Variants in LRRC74A observed in about 807,000 individuals in gnomAD.
LRRC74A encodes leucine-rich repeat-containing protein 74A.
A neutral mutation model predicts 57.9 loss-of-function variants in LRRC74A; 44 were observed. That is an observed-to-expected ratio of 0.76 (90% confidence interval 0.60 to 0.98). The LOEUF (loss-of-function observed/expected upper bound fraction) is 0.98. Among genes scored for constraint, LRRC74A ranks in the 50% least tolerant of loss-of-function variants. LRRC74A has a pLI of 0.00. For missense variants in LRRC74A, 572 were observed against 574.0 expected, an observed-to-expected ratio of 1.00 and a Z score of 0.04; for synonymous variants, 211 against 219.4, an observed-to-expected ratio of 0.96 and a Z score of 0.34.
intron 8 of LRRC74A, among the ~76,000 whole-genome samples, chr14:76,852,661 C>T (rs1037029847): frequency 4.0e-5 from 6 of 150,546 alleles, no homozygotes; most frequent in South Asian, 4.2e-4. Context: ...CTCTGTGGCC[C>T]GGGCTAGAGT....
Position 76,870,203 on chromosome 14 carries a change from A to T in LRRC74A, c.*54A>T. 5.1e-6 allele frequency: 8 copies of T among 1,577,902 alleles called. No individual in the cohort carries two copies. The highest frequency in any genetic ancestry group is 6.9e-6 in the Non-Finnish European group (8 of 1,157,792). ...GGCGAGAGGAGTCCTCGCAAGTCGGATGGTGGCAGGGAGGAGAGCAAGAGG... is the reference window on the plus strand; with the variant it reads ...GGCGAGAGGAGTCCTCGCAAGTCGGTTGGTGGCAGGGAGGAGAGCAAGAGG... On this transcript the variant is annotated 3_prime_UTR_variant, in exon 14 of 14. Coordinates refer to ENST00000689127, the MANE Select transcript of LRRC74A (RefSeq NM_001385106.1).
At chr14:76,831,151 G>T (rs1895942272) in intron 2 of LRRC74A, 52 bp from the exon 3 acceptor site, 2 of 1,582,982 alleles carry the variant, frequency 1.3e-6, no homozygotes, top group African/African-American at 1.3e-5. Flanking sequence ...CTAGAGGGGA[G>T]AGAAGGCAAA....
At chr14:76,861,850 G>A (rs1335617749) in intron 11 of LRRC74A, among the ~76,000 whole-genome samples, 3 of 152,208 alleles carry the variant, frequency 2.0e-5, no homozygotes, top group Non-Finnish European at 2.9e-5. Context: ...GCCAATGCAC[G>A]TTCTGCAGGG....
At chr14:76,860,879 T>G (rs773535596) in intron 11 of LRRC74A, 40 bp downstream of exon 11, 1 of 1,510,758 alleles carries the variant, frequency 6.6e-7, no homozygotes, top group Non-Finnish European at 9.0e-7. Context: ...CAGGGAGCCC[T>G]GGGGAAAGCT....
In LRRC74A at chr14:76,831,349, A is replaced by G; in HGVS notation, c.313A>G (p.Thr105Ala). 6.2e-7 allele frequency: 1 copy of G among 1,613,658 alleles called. No homozygotes were observed. The highest frequency in any genetic ancestry group is 8.5e-7 in the Non-Finnish European group (1 of 1,179,868). Residue 105 changes from threonine to alanine, a missense_variant, in exon 3 of 14, where the codon ACC (threonine) becomes GCC (alanine). By Grantham distance (58) the Thr-to-Ala change is moderately conservative (BLOSUM62 0). Transcript: ENST00000689127. ...CCACCACGGCCTGGGCCCCAGGGGT[A>G]CCAAGGCTATTGCTATAGCCCTGGT... ...LNHHGLGPRGTKAIAIALVSN... is the reference protein window; with the variant it reads ...LNHHGLGPRGAKAIAIALVSN...
At chr14:76,835,121 A>C (rs967162505) in intron 3 of LRRC74A, among the ~76,000 whole-genome samples, 1 of 152,202 alleles carries the variant, frequency 6.6e-6, no homozygotes, top group African/African-American at 2.4e-5. Context: ...AGGGAAGATC[A>C]AAGTTCTGAT....
At chr14:76,869,747 G>C (rs1899285911) in intron 13 of LRRC74A, among the ~76,000 whole-genome samples, 3 of 145,052 alleles carry the variant, frequency 2.1e-5, no homozygotes, top group Non-Finnish European at 4.5e-5. Context: ...GGGTGACAGA[G>C]TAAGACTCCA....
intron 13 of LRRC74A, among the ~76,000 whole-genome samples, 184 bp from the exon 14 acceptor site, chr14:76,869,941 T>TGC (rs917446387): frequency 2.6e-5 from 4 of 151,640 alleles, no homozygotes; most frequent in African/African-American, 7.3e-5. Flanking sequence ...TGTGTGTGTG[T>TGC]GCACACGCAC....
At chr14:76,848,277 G>A (rs967742941) in intron 7 of LRRC74A, among the ~76,000 whole-genome samples, 2 of 148,990 alleles carry the variant, frequency 1.3e-5, no homozygotes, top group Admixed American at 6.8e-5. Flanking sequence ...CTTAAAGTAT[G>A]ATAAAAAAAT....
chr14:76,848,309 AAATAAAT>A (rs1897240792), intron 7 of LRRC74A, among the ~76,000 whole-genome samples: 1 of 1,390 alleles, frequency 7.2e-4, no homozygotes, highest in East Asian at 0.017. Flanking sequence ...TTACTTTCAA[AAATAAAT>A]AAATAAATAA....
At chr14:76,859,108 G>A (rs1898099833) in intron 10 of LRRC74A, among the ~76,000 whole-genome samples, 1 of 152,032 alleles carries the variant, frequency 6.6e-6, no homozygotes, top group Admixed American at 6.5e-5. Flanking sequence ...CAATCTGCAG[G>A]CCAGGATGCT....
chr14:76,833,816 G>A (rs1896135480), intron 3 of LRRC74A, among the ~76,000 whole-genome samples: 1 of 152,008 alleles, frequency 6.6e-6, no homozygotes, highest in South Asian at 2.1e-4. Flanking sequence ...CTCTTATTGT[G>A]CCTAATTTGT....
chr14:76,865,143 C>T (rs915624092), intron 11 of LRRC74A, among the ~76,000 whole-genome samples: 2 of 152,174 alleles, frequency 1.3e-5, no homozygotes, highest in African/African-American at 2.4e-5. Flanking sequence ...AGTAATAATA[C>T]ACTTGATCCT....
chr14:76,858,800 G>A (rs949791768), intron 10 of LRRC74A, among the ~76,000 whole-genome samples: 1 of 152,050 alleles, frequency 6.6e-6, no homozygotes, highest in African/African-American at 2.4e-5. Context: ...TTTTGCCCAG[G>A]CTGGTCTCGA....
chr14:76,831,421 G>A (rs1300846104), intron 3 of LRRC74A, 46 bp downstream of exon 3: 1 of 1,601,850 alleles, frequency 6.2e-7, no homozygotes. Context: ...GAGGTGGAGG[G>A]TTGGCAGAGT....
At chr14:76,834,683 G>A (rs944529301) in intron 3 of LRRC74A, among the ~76,000 whole-genome samples, 2 of 152,176 alleles carry the variant, frequency 1.3e-5, no homozygotes, top group Non-Finnish European at 2.9e-5. Flanking sequence ...ACAATGGCCC[G>A]TGTGAAATAA....
In LRRC74A at chr14:76,834,383, TTTC is replaced by T. The variant is rs1484314204; in HGVS notation, c.340-1817_340-1815del. Among the ~76,000 whole-genome samples the T allele has an allele frequency of 3.3e-5, 5 of 152,004 alleles. No homozygotes were observed. In the South Asian group the frequency reaches 6.2e-4, roughly 19 times the overall value. On this transcript the variant is annotated intron_variant, in intron 3 of 13. Coordinates refer to ENST00000689127, the MANE Select transcript of LRRC74A (RefSeq NM_001385106.1). ...AACAGCGGTTTCTGTTTGAGGGGAG[TTTC>T]TTCTTCCCCCATTCTCTGTATCATT... is the stretch of plus-strand genomic sequence containing the variant.
intron 3 of LRRC74A, among the ~76,000 whole-genome samples, chr14:76,833,387 T>A (rs1450321749): frequency 6.6e-6 from 1 of 150,410 alleles, no homozygotes; most frequent in Non-Finnish European, 1.5e-5. Context: ...TACAGTACAA[T>A]AAGGTATTTT....
chr14:76,826,562 G>T lies in LRRC74A; in HGVS notation c.-136G>T. 1 of 1,612,556 alleles carries T rather than the reference G, an allele frequency of 6.2e-7. No individual in the cohort carries two copies. Among genetic ancestry groups the T allele is most frequent in the Non-Finnish European group, 8.5e-7 (1 of 1,179,330 alleles). ...TTGCTGGGAGGGAAGGATAACTGCA[G>T]GCTCCCCTGGGATGCCCCCAGGTGA... On this transcript the variant is annotated 5_prime_UTR_variant, in exon 1 of 14. The change creates a new upstream start codon in the 5' untranslated region. Coordinates refer to ENST00000689127, the MANE Select transcript of LRRC74A (RefSeq NM_001385106.1).
Sources: gnomAD v4.1 joint callset for allele counts (sites outside exome capture counted in the v4.1 genomes callset) on GRCh38, gnomAD v4.1.1 for gene constraint, MANE v1.5 for transcripts, NCBI Gene and HGNC (gene_info 2026-07-23, HGNC 2026-07-21) for gene names.